Variants in KNL1 observed in about 807,000 individuals in gnomAD.
The protein encoded by KNL1 is kinetochore scaffold 1, also known as outer kinetochore KNL1 complex subunit KNL1.
KNL1 carries 66 observed loss-of-function variants against 201.3 expected under a neutral mutation model. That is an observed-to-expected ratio of 0.33 (90% CI 0.27 to 0.40). KNL1 has a LOEUF of 0.40. Ranked by LOEUF, KNL1 falls within the 10% of genes least tolerant of loss-of-function variation. The pLI is 1.00. For missense variants in KNL1, 2,815 were observed against 2,690.5 expected, an observed-to-expected ratio of 1.05 and a Z score of -1.02; for synonymous variants, 895 against 899.2, an observed-to-expected ratio of 1.00 and a Z score of 0.08.
In KNL1 at chr15:40,602,919, G is replaced by A; in HGVS notation, c.-13G>A. ...AATATTGTATATTTGTTACAGAAAA[G>A]TTTTCTTCAAAAATGGATGGGGTGT... On this transcript the variant is annotated 5_prime_UTR_variant, in exon 2 of 26. Coordinates refer to ENST00000399668, the MANE Select transcript of KNL1 (RefSeq NM_144508.5). 6.4e-7 allele frequency: 1 copy of A among 1,567,834 alleles called. No individual in the cohort carries two copies. Among genetic ancestry groups the A allele is most frequent in the South Asian group, 1.1e-5 (1 of 87,974 alleles).
rs1188789391 is a variant in KNL1, at chr15:40,623,909, A to G, written c.3645A>G (p.Gln1215=). ...GTGTTCAAGAAATCGCTGAAAAACAAGCACTGGCTGTAGGAAACAAAATAG... is the reference window on the plus strand; with the variant it reads ...GTGTTCAAGAAATCGCTGAAAAACAGGCACTGGCTGTAGGAAACAAAATAG... ...NSCVQEIAEK[Q]ALAVGNKIVL... The change falls in exon 10 of 26, where the codon CAA becomes CAG. Residue 1215 remains glutamine (Q), a synonymous_variant. Coordinates refer to ENST00000399668, the MANE Select transcript of KNL1 (RefSeq NM_144508.5). The G allele has an allele frequency of 1.2e-6, 2 of 1,613,466 alleles. No individual in the cohort carries two copies. Among genetic ancestry groups the G allele is most frequent in the Non-Finnish European group, 8.5e-7 (1 of 1,179,944 alleles).
At chr15:40,645,625 G>A in intron 15 of KNL1, 31 bp from the exon 16 acceptor site, 1 of 1,260,208 alleles carries the variant, frequency 7.9e-7, no homozygotes, top group Non-Finnish European at 1.1e-6. Context: ...GTTTGTTTTA[G>A]TACAGTGTTC....
At chr15:40,661,351 G>A (rs577791297) in intron 25 of KNL1, among the ~76,000 whole-genome samples, 2 of 152,222 alleles carry the variant, frequency 1.3e-5, no homozygotes, top group East Asian at 3.9e-4. Context: ...AAATAGCCAG[G>A]CGTGGTGGCA....
intron 1 of KNL1, among the ~76,000 whole-genome samples, chr15:40,601,216 G>A (rs1213968698): frequency 2.6e-5 from 4 of 152,222 alleles, no homozygotes; most frequent in East Asian, 1.9e-4. Flanking sequence ...TCTAGGTTGC[G>A]GGCTCCTTAC....
intron 9 of KNL1, among the ~76,000 whole-genome samples, 165 bp downstream of exon 9, chr15:40,619,176 C>T (rs1892436478): frequency 6.6e-6 from 1 of 151,858 alleles, no homozygotes; most frequent in Admixed American, 6.6e-5. Context: ...ATAGTTAAGT[C>T]ACAGCCAGTT....
chr15:40,620,700 TCAGATGAAAA>T lies in KNL1; in HGVS notation c.438_447del (p.Asp147ArgfsTer4). The T allele has an allele frequency of 6.2e-7, 1 of 1,603,708 alleles. No individual in the cohort carries two copies. Among genetic ancestry groups the T allele is most frequent in the Admixed American group, 1.8e-5 (1 of 56,012 alleles). ...TGCAAATGACCAGACAGTCATTTTTTCAGATGAAAACCAGATGGACCTGACATCAAGTCAC... is the reference window on the plus strand; with the variant it reads ...TGCAAATGACCAGACAGTCATTTTTTCCAGATGGACCTGACATCAAGTCAC... On this transcript the variant is annotated frameshift_variant, in exon 10 of 26. Coordinates refer to ENST00000399668, the MANE Select transcript of KNL1 (RefSeq NM_144508.5). LOFTEE classifies it high-confidence loss of function.
rs888780018 is a variant in KNL1 at position 40,624,881 on chromosome 15, T to C, written c.4617T>C (p.Ala1539=). 1 of 1,612,708 alleles carries C rather than the reference T, an allele frequency of 6.2e-7. No individual in the cohort carries two copies. The highest frequency in any genetic ancestry group is 1.3e-5 in the African/African-American group (1 of 75,024). The change falls in exon 10 of 26, where the codon GCT becomes GCC. Residue 1539 remains alanine (A), a synonymous_variant. Coordinates refer to ENST00000399668, the MANE Select transcript of KNL1 (RefSeq NM_144508.5). ...TKQVIQTHVN[A]GEAPDPVITS... is the part of the protein sequence containing the mutation. The stretch of plus-strand genomic sequence containing the variant: ...AAGTCATTCAAACTCATGTCAATGC[T>C]GGAGAAGCACCAGATCCTGTAATTA...
intron 8 of KNL1, among the ~76,000 whole-genome samples, chr15:40,617,128 T>C (rs1421446563): frequency 6.6e-6 from 1 of 152,156 alleles, no homozygotes; most frequent in Non-Finnish European, 1.5e-5. Flanking sequence ...TTTGTATTTT[T>C]AGTAGAGATG....
At position 40,620,633 on chromosome 15, in the gene KNL1, A is replaced by G; in HGVS notation, c.376-7A>G. On this transcript the variant is annotated splice_polypyrimidine_tract_variant and splice_region_variant and intron_variant, in intron 9 of 25. Coordinates refer to ENST00000399668, the MANE Select transcript of KNL1 (RefSeq NM_144508.5). The stretch of plus-strand genomic sequence containing the variant: ...TTCTGATCTCTTATATTTTGCTTTC[A>G]TTATAGTTTTCAATTATAGAACATA... 6.5e-7 allele frequency: 1 copy of G among 1,538,252 alleles called. No homozygotes were observed. Among genetic ancestry groups the G allele is most frequent in the Non-Finnish European group, 8.7e-7 (1 of 1,144,926 alleles).
Position 40,624,505 on chromosome 15 carries a change from C to G in KNL1, c.4241C>G (p.Thr1414Ser), listed in dbSNP as rs1892669464. Reference protein sequence around the residue: ...LVYSQDLGEMTKLNSKRVSFK... With the variant: ...LVYSQDLGEMSKLNSKRVSFK... Reference sequence around the variant, plus strand: ...TATAGTCAAGATCTGGGGGAGATGACTAAACTTAATTCAAAGCGAGTATCT... The same window carrying G: ...TATAGTCAAGATCTGGGGGAGATGAGTAAACTTAATTCAAAGCGAGTATCT... Residue 1414 changes from threonine to serine, a missense_variant, in exon 10 of 26, where the codon ACT becomes AGT. By Grantham distance (58) the Thr-to-Ser change is moderately conservative. Transcript: ENST00000399668. 2.5e-6 allele frequency: 4 copies of G among 1,613,706 alleles called. No individual in the cohort carries two copies. The highest frequency in any genetic ancestry group is 3.4e-6 in the Non-Finnish European group (4 of 1,179,856).
intron 14 of KNL1, among the ~76,000 whole-genome samples, chr15:40,643,813 ACTATT>A (rs1893304026): frequency 1.3e-5 from 2 of 152,220 alleles, no homozygotes; most frequent in African/African-American, 4.8e-5. Context: ...TTCTTGAACT[ACTATT>A]CTTCAAGTGA....
chr15:40,622,093 A>T lies in KNL1; in HGVS notation c.1829A>T (p.Asp610Val), dbSNP rs376605587. 1.9e-6 allele frequency: 3 copies of T among 1,614,024 alleles called. No individual in the cohort carries two copies. The highest frequency in any genetic ancestry group is 8.5e-7 in the Non-Finnish European group (1 of 1,179,998). Reference protein sequence around the residue: ...ESHSQSKSSSDECEEITKSRN... With the variant: ...ESHSQSKSSSVECEEITKSRN... The stretch of plus-strand genomic sequence containing the variant: ...CACTCTCAGAGCAAAAGCTCTTCAG[A>T]TGAATGTGAAGAAATTACCAAAAGT... The change falls in exon 10 of 26, where the codon GAT (aspartate) becomes GTT (valine). Residue 610 changes from aspartate (D) to valine (V), a missense_variant. Around this residue, in one of 3 missense-constraint regions of KNL1, gnomAD observed 2,464 missense variants for 2,291.7 expected, o/e 1.08. Transcript: ENST00000399668.
At chr15:40,631,271 T>C (rs1892904716) in intron 13 of KNL1, among the ~76,000 whole-genome samples, 1 of 152,186 alleles carries the variant, frequency 6.6e-6, no homozygotes, top group Middle Eastern at 3.4e-3. Flanking sequence ...GGTTGGGGAC[T>C]GCTGTTGTAG....
At chr15:40,633,233 C>T (rs1199609903) in intron 13 of KNL1, among the ~76,000 whole-genome samples, 3 of 151,680 alleles carry the variant, frequency 2.0e-5, no homozygotes, top group Non-Finnish European at 2.9e-5. Flanking sequence ...ATCGCTTGAA[C>T]CCAGGAGGCG....
chr15:40,620,542 A>C (rs1439269615), intron 9 of KNL1, 98 bp from the exon 10 acceptor site: 1 of 680,044 alleles, frequency 1.5e-6, no homozygotes, highest in East Asian at 2.8e-5. Flanking sequence ...ACGTGTTATG[A>C]AACCATCACT....
At chr15:40,613,935 C>T (rs934710874) in intron 7 of KNL1, among the ~76,000 whole-genome samples, 5 of 151,732 alleles carry the variant, frequency 3.3e-5, no homozygotes, top group Non-Finnish European at 7.4e-5. Context: ...GTAGCTGGGA[C>T]TACAGGCGCC....
chr15:40,621,701 C>T lies in KNL1; in HGVS notation c.1437C>T (p.Ser479=), dbSNP rs550618810. 1.3e-5 allele frequency: 21 copies of T among 1,610,312 alleles called. No individual in the cohort carries two copies. The highest frequency in any genetic ancestry group is 1.1e-4 in the South Asian group (10 of 90,932). The change falls in exon 10 of 26, where the codon TCC becomes TCT. Residue 479 remains serine, a synonymous_variant. Transcript: ENST00000399668. ...CTCTCACAGAGAAAACTATTTATTC[C>T]GGAGAGGAGAACATGGACATTACCA... ...MSSLTEKTIY[S]GEENMDITKS...
Position 40,623,268 on chromosome 15 carries a change from A to G in KNL1, c.3004A>G (p.Asn1002Asp). ...TGAGGAGAGTGTTTTCTTTCCAGGA[A>G]ATGGTGAAAGTGACCGTCTAGTAGC... ...PTEESVFFPG[N>D]GESDRLVAND... The change falls in exon 10 of 26, where the codon AAT becomes GAT. Residue 1002 changes from asparagine to aspartate, a missense_variant. By Grantham distance (23) the Asn-to-Asp change is conservative (BLOSUM62 1). Around this residue, in one of 3 missense-constraint regions of KNL1, gnomAD observed 2,464 missense variants for 2,291.7 expected, o/e 1.08. Coordinates refer to ENST00000399668, the MANE Select transcript of KNL1 (RefSeq NM_144508.5). 1 of 1,613,878 alleles carries G rather than the reference A, an allele frequency of 6.2e-7. No individual in the cohort carries two copies.
intron 13 of KNL1, among the ~76,000 whole-genome samples, chr15:40,629,644 C>T (rs546854036): frequency 6.6e-6 from 1 of 151,716 alleles, no homozygotes; most frequent in African/African-American, 2.4e-5. Context: ...GCTGGGACTA[C>T]AGGCGCGTGC....
Sources: allele counts gnomAD v4.1 joint callset (sites outside exome capture counted in the v4.1 genomes callset), GRCh38; gene constraint gnomAD v4.1.1; regional missense constraint gnomAD v4.1.1; transcripts MANE v1.5; gene names NCBI Gene and HGNC (gene_info 2026-07-23, HGNC 2026-07-21).